Variants in FBN3 observed in about 807,000 individuals in gnomAD.
FBN3 encodes the protein fibrillin 3.
In FBN3, 234 loss-of-function variants were observed where a neutral mutation model predicts 330.1. That is an observed-to-expected ratio of 0.71 (90% CI 0.64 to 0.79). The LOEUF (loss-of-function observed/expected upper bound fraction) is 0.79. Ranked by LOEUF, FBN3 falls within the 30% of genes least tolerant of loss-of-function variation. FBN3 has a pLI of 0.00. For missense variants in FBN3, 3,606 were observed against 3,886.9 expected (o/e 0.93, Z 1.92); for synonymous variants, 1,458 against 1,517.3 (o/e 0.96, Z 0.91).
At chr19:8,122,812 C>G (rs746374828) in intron 24 of FBN3, among the ~76,000 whole-genome samples, 2 of 151,898 alleles carry the variant, frequency 1.3e-5, no homozygotes, top group Non-Finnish European at 2.9e-5. Flanking sequence ...CTACAGGTGC[C>G]TGCCACCACG....
Position 8,096,834 on chromosome 19 carries a change from G to T in FBN3, c.5413+47C>A. 2 of 1,601,384 alleles carry T rather than the reference G, an allele frequency of 1.2e-6. No homozygotes were observed. The highest frequency in any genetic ancestry group is 1.7e-6 in the Non-Finnish European group (2 of 1,175,736). On this transcript the variant is annotated intron_variant, in intron 43 of 63. Coordinates refer to ENST00000600128, the MANE Select transcript of FBN3 (RefSeq NM_032447.5). The surrounding 1 kb of genome is among the most constrained non-coding windows in gnomAD (Gnocchi z 4.6). Reference sequence around the variant, plus strand: ...GCCATACCCCATCTAAGTCCCCATGGGTGACAGAGCCCAGCTCCCTCACCT... The same window carrying T: ...GCCATACCCCATCTAAGTCCCCATGTGTGACAGAGCCCAGCTCCCTCACCT...
intron 8 of FBN3, among the ~76,000 whole-genome samples, chr19:8,139,661 G>A (rs923504139): frequency 1.3e-4 from 19 of 151,874 alleles, no homozygotes; most frequent in Non-Finnish European, 2.4e-4. Flanking sequence ...TACAGCCCCC[G>A]GGGTGACTGA....
chr19:8,104,183 A>C (rs1002908635), intron 38 of FBN3, among the ~76,000 whole-genome samples: 12 of 137,388 alleles, frequency 8.7e-5, no homozygotes, highest in African/African-American at 3.4e-4. Context: ...AAAAAAAAAA[A>C]CATTTACAAG....
chr19:8,118,428 C>T (rs2082759561), intron 26 of FBN3, among the ~76,000 whole-genome samples: 1 of 152,170 alleles, frequency 6.6e-6, no homozygotes, highest in South Asian at 2.1e-4. Context: ...CCACTGCACC[C>T]CAGCCTGGAC....
chr19:8,096,876 C>A lies in FBN3; in HGVS notation c.5413+5G>T. The A allele has an allele frequency of 1.2e-6, 2 of 1,612,486 alleles. No homozygotes were observed. Among genetic ancestry groups the A allele is most frequent in the Non-Finnish European group, 1.7e-6 (2 of 1,179,886 alleles). On this transcript the variant is annotated splice_donor_5th_base_variant and intron_variant, in intron 43 of 63. Coordinates refer to ENST00000600128, the MANE Select transcript of FBN3 (RefSeq NM_032447.5). The surrounding 1 kb of genome is among the most constrained non-coding windows in gnomAD (Gnocchi z 4.6). ...CCCTCACCTCCTCCCAGGGACCCTG[C>A]TCACCCACACAAGCCCCGCCTGGCG...
rs142052352 is a variant in FBN3, at chr19:8,084,466, G to A, written c.7087+897C>T. 3.7e-3 allele frequency among the ~76,000 whole-genome samples: 560 copies of A among 152,058 alleles called. 5 individuals are homozygous for A. Among genetic ancestry groups the A allele is most frequent in the Non-Finnish European group, 2.4e-3 (162 of 67,974 alleles). Reference sequence around the variant, plus strand: ...GTGGGCGGATCACTTGAGGCCAGGAGTTCGAGACCAGCCTGGCCAGCATGG... The same window carrying A: ...GTGGGCGGATCACTTGAGGCCAGGAATTCGAGACCAGCCTGGCCAGCATGG... On this transcript the variant is annotated intron_variant, in intron 56 of 63. Coordinates refer to ENST00000600128, the MANE Select transcript of FBN3 (RefSeq NM_032447.5).
chr19:8,093,712 G>A (rs1463054022), intron 47 of FBN3, among the ~76,000 whole-genome samples: 2 of 152,204 alleles, frequency 1.3e-5, no homozygotes, highest in African/African-American at 2.4e-5. Flanking sequence ...TCTTGAACCC[G>A]GGAGGTGGCG....
At chr19:8,086,086 G>A (rs2081945457) in intron 55 of FBN3, 114 bp downstream of exon 55, 1 of 632,742 alleles carries the variant, frequency 1.6e-6, no homozygotes, top group South Asian at 2.3e-5. Flanking sequence ...GGCAGTGGGA[G>A]GGACAGGGAG....
At chr19:8,141,028 T>TAA (rs869253140) in intron 8 of FBN3, among the ~76,000 whole-genome samples, 1 of 150,992 alleles carries the variant, frequency 6.6e-6, no homozygotes, top group East Asian at 1.9e-4. Context: ...CCGTCTCTAC[T>TAA]AAAAAAATAC....
At position 8,129,309 on chromosome 19, in the gene FBN3, G is replaced by T; in HGVS notation, c.2101C>A (p.Leu701Ile). 1 of 1,614,176 alleles carries T rather than the reference G, an allele frequency of 6.2e-7. No individual in the cohort carries two copies. The highest frequency in any genetic ancestry group is 1.1e-5 in the South Asian group (1 of 91,088). ...EVCANGVCENLRGSYRCVCNL... is the reference protein window; with the variant it reads ...EVCANGVCENIRGSYRCVCNL... The stretch of plus-strand genomic sequence containing the variant: ...CAGACACAGCGGTAGCTGCCCCGAA[G>T]GTTCTCGCACACGCCATTGGCACAA... Residue 701 changes from leucine to isoleucine, a missense_variant, in exon 17 of 64, where the codon CTT becomes ATT. Leu to Ile is a conservative substitution (Grantham distance 5, BLOSUM62 2). Transcript: ENST00000600128. The surrounding 1 kb of genome is among the most constrained non-coding windows in gnomAD (Gnocchi z 4.5).
At chr19:8,085,665 G>A (rs2081926887) in intron 55 of FBN3, 96 bp from the exon 56 acceptor site, 1 of 952,518 alleles carries the variant, frequency 1.0e-6, no homozygotes, top group East Asian at 2.8e-5. Flanking sequence ...TTTTGGGGGT[G>A]TTGGGGACAG....
At chr19:8,147,801 G>A in intron 1 of FBN3, 1 of 289,768 alleles carries the variant, frequency 3.5e-6, no homozygotes. Flanking sequence ...CGTTGCAGGA[G>A]TGGGCATAGC....
rs374423807 is a variant in FBN3, at chr19:8,131,551, C to G, written c.1990+3G>C. 1 of 1,602,650 alleles carries G rather than the reference C, an allele frequency of 6.2e-7. No individual in the cohort carries two copies. Among genetic ancestry groups the G allele is most frequent in the African/African-American group, 1.3e-5 (1 of 74,808 alleles). On this transcript the variant is annotated splice_donor_region_variant and intron_variant, in intron 15 of 63. Coordinates refer to ENST00000600128, the MANE Select transcript of FBN3 (RefSeq NM_032447.5). This position sits in a 1 kb window ranked among gnomAD's most constrained non-coding sequence, Gnocchi z 4.5. ...GATGGGGACCGGGCAGCCGGATGCT[C>G]ACCGGAGTCTTTGGCAGGACAAAGC...
chr19:8,135,975 C>A lies in FBN3; in HGVS notation c.1577G>T (p.Gly526Val). Residue 526 changes from glycine to valine, a missense_variant, in exon 13 of 64, where the codon GGC becomes GTC. Gly to Val is a moderately radical substitution (Grantham distance 109, BLOSUM62 -3). Coordinates refer to ENST00000600128, the MANE Select transcript of FBN3 (RefSeq NM_032447.5). ...CCCCAACTCACCCACACAGTTCTTG[C>A]CGTCAGGGCTGAGCTCGAAGCCTGC... ...CNAGFELSPDGKNCVDHNECA... is the reference protein window; with the variant it reads ...CNAGFELSPDVKNCVDHNECA... The A allele has an allele frequency of 6.7e-7, 1 of 1,499,238 alleles. No individual in the cohort carries two copies. Among genetic ancestry groups the A allele is most frequent in the Non-Finnish European group, 8.9e-7 (1 of 1,117,592 alleles). The allele number at this position is 1,499,238 out of a possible 1,614,324, so 92.9% of individuals were successfully genotyped here.
In FBN3 at chr19:8,117,179, C is replaced by T. The variant is rs2082724568; in HGVS notation, c.3576G>A (p.Arg1192=). 1 of 1,614,106 alleles carries T rather than the reference C, an allele frequency of 6.2e-7. No homozygotes were observed. The highest frequency in any genetic ancestry group is 2.2e-5 in the East Asian group (1 of 44,880). Residue 1192 remains arginine (R), a synonymous_variant, in exon 28 of 64, where the codon AGG becomes AGA. Coordinates refer to ENST00000600128, the MANE Select transcript of FBN3 (RefSeq NM_032447.5). The stretch of plus-strand genomic sequence containing the variant: ...GTTGTGCCCACCTACCTGCACATGC[C>T]CTTCCGTCGGGCATCAGCGAGTAGC... ...GQGYSLMPDG[R]ACADVDECEE... is the part of the protein sequence containing the mutation.
chr19:8,098,077 A>T (rs1231276742), intron 41 of FBN3, among the ~76,000 whole-genome samples: 1 of 152,250 alleles, frequency 6.6e-6, no homozygotes, highest in Non-Finnish European at 1.5e-5. Context: ...GTTGTGTAAC[A>T]CTGTGAATGT....
At chr19:8,135,936 G>GGCCACCCCCCCCCCCCCCCCC in intron 13 of FBN3, 25 bp downstream of exon 13, 1 of 668,778 alleles carries the variant, frequency 1.5e-6, no homozygotes, top group Non-Finnish European at 2.4e-6. Flanking sequence ...GGAAGCCCCT[G>GGCCACCCCCCCCCCCCCCCCC]CCCACCCGCC....
rs747200671 is a variant in FBN3 at position 8,109,768 on chromosome 19, C to T, written c.4334-15G>A. On this transcript the variant is annotated splice_polypyrimidine_tract_variant and intron_variant, in intron 34 of 63. Coordinates refer to ENST00000600128, the MANE Select transcript of FBN3 (RefSeq NM_032447.5). This position sits in a 1 kb window ranked among gnomAD's most constrained non-coding sequence, Gnocchi z 5.2. ...CTCGTTGATGTCTGTAGGGAGGAAG[C>T]GCGGTCCTCAGCAGGGAGCCCCTTC... is the stretch of plus-strand genomic sequence containing the variant. The T allele has an allele frequency of 2.7e-5, 39 of 1,452,474 alleles. No individual in the cohort carries two copies. Among genetic ancestry groups the T allele is most frequent in the Admixed American group, 1.0e-4 (4 of 38,798 alleles). 90.0% of individuals were successfully genotyped at this position (1,452,474 alleles called of 1,614,324 possible). A position where few individuals can be genotyped will look rare whatever the true frequency, so the allele number is the denominator to read the frequency against.
Position 8,145,836 on chromosome 19 carries a change from TACTC to T in FBN3, c.445+3_445+6del, listed in dbSNP as rs1262355073. On this transcript the variant is annotated splice_donor_5th_base_variant and intron_variant, in intron 5 of 63. Transcript: ENST00000600128. Reference sequence around the variant, plus strand: ...TGCAAAGAGGGGAGTCCCATGGGGATACTCACGCTGCCCACACACGGTGCCTGTG... The same window carrying T: ...TGCAAAGAGGGGAGTCCCATGGGGATACGCTGCCCACACACGGTGCCTGTG... 2.6e-6 allele frequency: 4 copies of T among 1,548,606 alleles called. No individual in the cohort carries two copies. The highest frequency in any genetic ancestry group is 2.6e-6 in the Non-Finnish European group (3 of 1,144,984).
Sources: allele counts gnomAD v4.1 joint callset (sites outside exome capture counted in the v4.1 genomes callset), GRCh38; gene constraint gnomAD v4.1.1; non-coding constraint Gnocchi (gnomAD v3.1); transcripts MANE v1.5; gene names NCBI Gene and HGNC (gene_info 2026-07-23, HGNC 2026-07-21).